NUDCD3: variants seen among roughly 807,000 people sequenced by gnomAD.
NUDCD3 encodes NudC domain containing 3, also known as nudC domain-containing protein 3.
In NUDCD3, 13 loss-of-function variants were observed where a neutral mutation model predicts 39.7. The ratio of observed to expected loss-of-function variants is 0.33; its 90% CI spans 0.21 to 0.52. NUDCD3 has a LOEUF of 0.52. NUDCD3 is among the 20% of genes least tolerant of loss of function. The pLI is 0.96. For synonymous variants in NUDCD3, 175 were observed against 172.4 expected (o/e 1.02, Z -0.12); for missense variants, 453 against 458.1 (o/e 0.99, Z 0.10).
At chr7:44,444,482 T>C (rs1409042473) in intron 2 of NUDCD3, among the ~76,000 whole-genome samples, 2 of 152,214 alleles carry the variant, frequency 1.3e-5, no homozygotes, top group Admixed American at 1.3e-4. Context: ...GCAGCATTTA[T>C]ATACATTCAC....
chr7:44,429,647 G>A (rs1158040346), intron 2 of NUDCD3, among the ~76,000 whole-genome samples: 4 of 152,184 alleles, frequency 2.6e-5, no homozygotes, highest in Non-Finnish European at 5.9e-5. Context: ...TCAATCAGAG[G>A]TGATATTCAA....
At chr7:44,431,965 C>T (rs1189659121) in intron 2 of NUDCD3, among the ~76,000 whole-genome samples, 1 of 152,168 alleles carries the variant, frequency 6.6e-6, no homozygotes, top group Non-Finnish European at 1.5e-5. Flanking sequence ...GGCCACCGTG[C>T]CCAGCCTCCT....
chr7:44,389,560 T>C (rs1453493227), intron 5 of NUDCD3, among the ~76,000 whole-genome samples: 1 of 152,054 alleles, frequency 6.6e-6, no homozygotes, highest in African/African-American at 2.4e-5. Flanking sequence ...CCTCCAGAAA[T>C]GGAGAGACAA....
chr7:44,451,820 G>C (rs1255295210), intron 2 of NUDCD3, among the ~76,000 whole-genome samples: 2 of 152,308 alleles, frequency 1.3e-5, no homozygotes, highest in East Asian at 3.9e-4. Context: ...GGTGGGCAAA[G>C]AGGAAGGATA....
At chr7:44,457,256 T>C (rs529143686) in intron 2 of NUDCD3, among the ~76,000 whole-genome samples, 126 of 152,338 alleles carry the variant, frequency 8.3e-4, no homozygotes, top group African/African-American at 3.0e-3. Context: ...CCCCGATGAA[T>C]GGAATAAGAC....
intron 3 of NUDCD3, among the ~76,000 whole-genome samples, chr7:44,416,242 C>T (rs1799020601): frequency 6.6e-6 from 1 of 152,080 alleles, no homozygotes; most frequent in Admixed American, 6.6e-5. Flanking sequence ...TGCCACCATC[C>T]CCAGCTAAAT....
In NUDCD3 at chr7:44,386,086, A is replaced by G. The variant is rs750784074; in HGVS notation, c.1011T>C (p.Ala337=). The change falls in exon 6 of 6, where the codon GCT becomes GCC. Residue 337 remains alanine (A), a synonymous_variant. Transcript: ENST00000355451. ...GCTGGCCTCGGAAGGGAGAACCTTC[A>G]GCATCCCACCCCTTCTTCAGCATCT... ...VHEMLKKGWD[A]EGSPFRGQRF... 2.5e-6 allele frequency: 4 copies of G among 1,613,988 alleles called. No individual in the cohort carries two copies. The African/African-American group carries it at 4.0e-5, about 16-fold the overall frequency.
At chr7:44,476,607 G>A (rs1299582933) in intron 2 of NUDCD3, among the ~76,000 whole-genome samples, 1 of 152,186 alleles carries the variant, frequency 6.6e-6, no homozygotes, top group Non-Finnish European at 1.5e-5. Context: ...ATAAATGTCT[G>A]TTGTTTATAA....
At chr7:44,399,946 C>A (rs546572088) in intron 4 of NUDCD3, among the ~76,000 whole-genome samples, 23 of 152,160 alleles carry the variant, frequency 1.5e-4, no homozygotes, top group Non-Finnish European at 2.9e-4. Flanking sequence ...GACTTGTGTG[C>A]GCACCACGTC....
chr7:44,403,521 A>C (rs1199833369), intron 4 of NUDCD3, among the ~76,000 whole-genome samples: 1 of 152,172 alleles, frequency 6.6e-6, no homozygotes, highest in Non-Finnish European at 1.5e-5. Context: ...GCACTGACAG[A>C]ATACACTCCT....
chr7:44,464,213 CA>C (rs776316432), intron 2 of NUDCD3, among the ~76,000 whole-genome samples: 2,768 of 70,044 alleles, frequency 0.04, 49 homozygotes, highest in African/African-American at 0.11. Flanking sequence ...GACCCCATCT[CA>C]AAAAAAAAAA....
intron 4 of NUDCD3, 39 bp from the exon 5 acceptor site, chr7:44,392,524 G>C: frequency 1.3e-6 from 2 of 1,591,092 alleles, no homozygotes. Flanking sequence ...TCAGAGACCT[G>C]AGACAGGTGT....
In NUDCD3 at chr7:44,381,706, C is replaced by G. The variant is rs1396492147; in HGVS notation, c.*4305G>C. 6.6e-6 allele frequency: 1 copy of G among 152,254 alleles called. No individual in the cohort carries two copies. Among genetic ancestry groups the G allele is most frequent in the East Asian group, 1.9e-4 (1 of 5,194 alleles). 9.4% of individuals were successfully genotyped at this position (152,254 alleles called of 1,614,324 possible). The stretch of plus-strand genomic sequence containing the variant: ...GCTGTCCTTCTCCAGGGAGAATAGC[C>G]TCAGCCCTGCCTGACAGGAGGCGGC... On this transcript the variant is annotated 3_prime_UTR_variant, in exon 6 of 6. Transcript: ENST00000355451.
At chr7:44,440,855 C>T (rs1799568497) in intron 2 of NUDCD3, among the ~76,000 whole-genome samples, 1 of 152,112 alleles carries the variant, frequency 6.6e-6, no homozygotes, top group Non-Finnish European at 1.5e-5. Context: ...TGCATGTGAG[C>T]TCTCTCTCTC....
chr7:44,412,926 C>CAA (rs767754442), intron 3 of NUDCD3, among the ~76,000 whole-genome samples: 1,173 of 43,606 alleles, frequency 0.027, 54 homozygotes, highest in African/African-American at 0.082. Context: ...GACGCCGTCT[C>CAA]AAAAAAAAAA....
intron 2 of NUDCD3, among the ~76,000 whole-genome samples, chr7:44,442,244 G>A (rs1381148432): frequency 1.3e-5 from 2 of 152,172 alleles, no homozygotes; most frequent in African/African-American, 4.8e-5. Flanking sequence ...GATCAGCATA[G>A]GGCTTTTTAA....
intron 5 of NUDCD3, among the ~76,000 whole-genome samples, chr7:44,391,907 G>A (rs1798524131): frequency 6.6e-6 from 1 of 152,104 alleles, no homozygotes; most frequent in African/African-American, 2.4e-5. Flanking sequence ...CTGCAATCTG[G>A]CTCCCTCCCC....
intron 2 of NUDCD3, among the ~76,000 whole-genome samples, chr7:44,456,041 A>AC (rs1563182573): frequency 7.2e-6 from 1 of 138,954 alleles, no homozygotes; most frequent in African/African-American, 2.6e-5. Flanking sequence ...AAAAAAAAAA[A>AC]AAAAAAAAAC....
intron 3 of NUDCD3, among the ~76,000 whole-genome samples, chr7:44,415,380 T>G (rs1393360257): frequency 6.6e-6 from 1 of 152,036 alleles, no homozygotes; most frequent in Non-Finnish European, 1.5e-5. Flanking sequence ...CAGAGCAGAG[T>G]AGATTGAGCA....
Sources: gnomAD v4.1 joint callset for allele counts (sites outside exome capture counted in the v4.1 genomes callset) on GRCh38, gnomAD v4.1.1 for gene constraint, MANE v1.5 for transcripts, NCBI Gene and HGNC (gene_info 2026-07-23, HGNC 2026-07-21) for gene names.